The following NPAS3 variants were observed in gnomAD, a reference collection of about 807,000 sequenced individuals.
NPAS3 encodes the protein neuronal PAS domain-containing protein 3.
A neutral mutation model predicts 73.1 loss-of-function variants in NPAS3; 14 were observed. That is an observed-to-expected ratio of 0.19 (90% CI 0.13 to 0.30). The LOEUF (loss-of-function observed/expected upper bound fraction) is 0.30, where lower values mean the gene tolerates loss of function less well. Ranked by LOEUF, NPAS3 falls within the 10% of genes least tolerant of loss-of-function variation. NPAS3 has a pLI of 1.00. For missense variants in NPAS3, 1,096 were observed against 1,250.0 expected, an observed-to-expected ratio of 0.88 and a Z score of 1.86; for synonymous variants, 620 against 541.5, an observed-to-expected ratio of 1.14 and a Z score of -2.01.
chr14:33,015,321 G>A (rs1204596656), intron 1 of NPAS3, among the ~76,000 whole-genome samples: 1 of 152,082 alleles, frequency 6.6e-6, no homozygotes, highest in Non-Finnish European at 1.5e-5. Flanking sequence ...GCTTTAAATT[G>A]AAATTTGGGG....
intron 1 of NPAS3, among the ~76,000 whole-genome samples, chr14:32,946,673 A>T (rs1454885201): frequency 6.6e-6 from 1 of 152,190 alleles, no homozygotes; most frequent in African/African-American, 2.4e-5. Flanking sequence ...ACTAGATAAG[A>T]AGTGCTTGAG....
rs79184974 is a variant in NPAS3, at chr14:33,567,151, T to C, written c.558+6941T>C. Among the ~76,000 whole-genome samples the C allele has an allele frequency of 0.013, 2,046 of 152,310 alleles. 119 individuals carry two copies. The East Asian group carries it at 0.19, about 14-fold the overall frequency. Reference sequence around the variant, plus strand: ...TTACAATTCTTGATTAGCCACTTCTTGAAAGCAGCAAATACCCTGCCTGGT... The same window carrying C: ...TTACAATTCTTGATTAGCCACTTCTCGAAAGCAGCAAATACCCTGCCTGGT... On this transcript the variant is annotated intron_variant, in intron 5 of 11. Coordinates refer to ENST00000356141, the Ensembl canonical transcript of NPAS3.
chr14:33,394,580 T>A (rs182146967), intron 4 of NPAS3, among the ~76,000 whole-genome samples: 1 of 152,316 alleles, frequency 6.6e-6, no homozygotes, highest in African/African-American at 2.4e-5. Context: ...AGAACTTTTT[T>A]AGCTAATTTT....
In NPAS3 at chr14:33,223,007, G is replaced by A. The variant is rs185842929; in HGVS notation, c.385+7581G>A. Among the ~76,000 whole-genome samples the A allele has an allele frequency of 5.4e-4, 82 of 152,208 alleles. No homozygotes were observed. The Middle Eastern group carries it at 0.027, about 51-fold the overall frequency. On this transcript the variant is annotated intron_variant, in intron 3 of 11. Coordinates refer to ENST00000356141, the Ensembl canonical transcript of NPAS3. Reference sequence around the variant, plus strand: ...GGTTCCCCCATCAACGTGGTTCTCCGTGTGGATGTACATGCAGAGGAGGCG... The same window carrying A: ...GGTTCCCCCATCAACGTGGTTCTCCATGTGGATGTACATGCAGAGGAGGCG...
chr14:33,729,654 G>A (rs955898453), intron 6 of NPAS3, among the ~76,000 whole-genome samples: 13 of 152,250 alleles, frequency 8.5e-5, no homozygotes, highest in South Asian at 6.2e-4. Context: ...AAGACTGACT[G>A]CCTAAGTGTC....
Position 33,800,842 on chromosome 14 carries a change from G to A in NPAS3, c.2535G>A (p.Leu845=). ...CCCTGGCCATGCAGAGCAACCTGCT[G>A]CCCAACGCGCACGCTGTTAACTTCG... The change falls in exon 12 of 12, where the codon CTG becomes CTA. Residue 845 remains leucine, a synonymous_variant. Transcript: ENST00000356141. This position sits in a 1 kb window ranked among gnomAD's most constrained non-coding sequence, Gnocchi z 6.5. 2 of 1,603,846 alleles carry A rather than the reference G, an allele frequency of 1.2e-6. No individual in the cohort carries two copies. The highest frequency in any genetic ancestry group is 1.7e-6 in the Non-Finnish European group (2 of 1,175,720).
chr14:33,156,018 GT>G (rs1191476616), intron 2 of NPAS3, among the ~76,000 whole-genome samples: 1 of 151,280 alleles, frequency 6.6e-6, no homozygotes. Context: ...GTGAAGATTT[GT>G]GATTGAATGA....
At chr14:33,600,774 A>G (rs994560342) in intron 5 of NPAS3, among the ~76,000 whole-genome samples, 1 of 152,224 alleles carries the variant, frequency 6.6e-6, no homozygotes, top group African/African-American at 2.4e-5. Flanking sequence ...CACAGAAACA[A>G]TAATTCCAAA....
chr14:33,446,008 G>C (rs11850749), intron 4 of NPAS3, among the ~76,000 whole-genome samples: 20,804 of 150,286 alleles, frequency 0.14, 1,843 homozygotes, highest in African/African-American at 0.26. Flanking sequence ...TGGCTTTAGT[G>C]AAATCTAGTT....
At chr14:33,560,571 G>A (rs1235346423) in intron 5 of NPAS3, among the ~76,000 whole-genome samples, 5 of 152,156 alleles carry the variant, frequency 3.3e-5, no homozygotes, top group Non-Finnish European at 7.3e-5. Flanking sequence ...TGTTTATGGA[G>A]TACCCTGCAT....
intron 1 of NPAS3, among the ~76,000 whole-genome samples, chr14:33,046,303 C>A (rs1176768045): frequency 6.6e-6 from 1 of 152,104 alleles, no homozygotes; most frequent in Non-Finnish European, 1.5e-5. Context: ...TGTGAAGCTG[C>A]AGAGGTAGGC....
chr14:33,670,385 T>G (rs1307384473), intron 5 of NPAS3, among the ~76,000 whole-genome samples: 1 of 152,186 alleles, frequency 6.6e-6, no homozygotes, highest in African/African-American at 2.4e-5. Context: ...TGCTTTTATG[T>G]GCTTTTCTTC....
rs185972190 is a variant in NPAS3, at chr14:33,252,934, C to T, written c.385+37508C>T. Among the ~76,000 whole-genome samples, 276 of 152,130 alleles carry T rather than the reference C, an allele frequency of 1.8e-3. 1 individual carries two copies. Among genetic ancestry groups the T allele is most frequent in the Non-Finnish European group, 2.9e-3 (197 of 67,952 alleles). On this transcript the variant is annotated intron_variant, in intron 3 of 11. Transcript: ENST00000356141. ...GAGTTAGTTCAAAACAGGATAATGGCCTCCAGCTCCATCCGTGTTGCTGCA... is the reference window on the plus strand; with the variant it reads ...GAGTTAGTTCAAAACAGGATAATGGTCTCCAGCTCCATCCGTGTTGCTGCA...
In NPAS3 at chr14:33,609,667, T is replaced by TA. The variant is rs1359443358; in HGVS notation, c.558+49459dup. On this transcript the variant is annotated intron_variant, in intron 5 of 11. Transcript: ENST00000356141. ...AAGAAGCAAGTTCATCCCTAAGATG[T>TA]AAGAGCTCCAGCCATTTGAAATTAG... Among the ~76,000 whole-genome samples, 5 of 152,006 alleles carry TA rather than the reference T, an allele frequency of 3.3e-5. No individual in the cohort carries two copies. In the East Asian group the frequency reaches 1.0e-3, roughly 30 times the overall value.
chr14:33,478,020 G>A (rs539900791), intron 4 of NPAS3, among the ~76,000 whole-genome samples: 1 of 152,276 alleles, frequency 6.6e-6, no homozygotes, highest in Admixed American at 6.5e-5. Flanking sequence ...GCATGTGGAA[G>A]CCCTAGTGAT....
chr14:33,716,121 AT>A (rs1488611846), intron 6 of NPAS3, among the ~76,000 whole-genome samples: 18 of 152,084 alleles, frequency 1.2e-4, no homozygotes, highest in African/African-American at 4.3e-4. Context: ...CCACTATCTC[AT>A]TGGTCTTTGT....
chr14:33,093,823 C>G (rs976064194), intron 2 of NPAS3, among the ~76,000 whole-genome samples: 1 of 152,016 alleles, frequency 6.6e-6, no homozygotes, highest in Non-Finnish European at 1.5e-5. Flanking sequence ...TTTGTAGGGA[C>G]AAGGATGAAG....
At chr14:33,091,333 A>C (rs1027535536) in intron 2 of NPAS3, among the ~76,000 whole-genome samples, 2 of 152,222 alleles carry the variant, frequency 1.3e-5, no homozygotes, top group Non-Finnish European at 2.9e-5. Context: ...ACAGAAATAC[A>C]AACTACCATG....
intron 2 of NPAS3, among the ~76,000 whole-genome samples, chr14:33,172,389 A>G (rs539986702): frequency 6.6e-6 from 1 of 152,322 alleles, no homozygotes; most frequent in South Asian, 2.1e-4. Flanking sequence ...ACATGTAGCA[A>G]ACATTCAAAA....
Sources: allele counts gnomAD v4.1 joint callset (sites outside exome capture counted in the v4.1 genomes callset), GRCh38; gene constraint gnomAD v4.1.1; non-coding constraint Gnocchi (gnomAD v3.1); transcripts MANE v1.5; gene names NCBI Gene and HGNC (gene_info 2026-07-23, HGNC 2026-07-21).